The following EHBP1 variants were observed in gnomAD, a reference collection of about 807,000 sequenced individuals.
EHBP1 encodes EH domain-binding protein 1.
In EHBP1, 55 loss-of-function variants were observed where a neutral mutation model predicts 144.0. The observed-to-expected ratio is 0.38, with a 90% CI of 0.31 to 0.48. The LOEUF is 0.48. Ranked by LOEUF, EHBP1 falls within the 20% of genes least tolerant of loss-of-function variation. The pLI is 0.98. For synonymous variants in EHBP1, 469 were observed against 472.7 expected (o/e 0.99, Z 0.10); for missense variants, 1,200 against 1,364.2 (o/e 0.88, Z 1.90).
chr2:62,766,443 C>T lies in EHBP1; in HGVS notation c.258+2082C>T, dbSNP rs541925668. Among the ~76,000 whole-genome samples, 5 of 152,192 alleles carry T rather than the reference C, an allele frequency of 3.3e-5. No individual in the cohort carries two copies. In the East Asian group the frequency reaches 9.6e-4, roughly 29 times the overall value. ...TTTGAGAAACATGGGACCTGAGAGA[C>T]CCAGTAGGGAAATATCAGAGTCCAT... On this transcript the variant is annotated intron_variant, in intron 4 of 22. Coordinates refer to ENST00000431489, the MANE Select transcript of EHBP1 (RefSeq NM_001142616.3).
chr2:62,926,613 A>G (rs1034986375), intron 10 of EHBP1, among the ~76,000 whole-genome samples: 4 of 152,176 alleles, frequency 2.6e-5, no homozygotes, highest in African/African-American at 9.6e-5. Context: ...GGAAATGCAA[A>G]TCAAAATCAC....
At chr2:62,927,177 G>A (rs1030551637) in intron 10 of EHBP1, among the ~76,000 whole-genome samples, 1 of 152,150 alleles carries the variant, frequency 6.6e-6, no homozygotes, top group African/African-American at 2.4e-5. Flanking sequence ...TAGAACAGAG[G>A]ATACTAGAGG....
At chr2:62,755,410 TTTG>T (rs1573157480) in intron 3 of EHBP1, among the ~76,000 whole-genome samples, 1 of 151,442 alleles carries the variant, frequency 6.6e-6, no homozygotes, top group Admixed American at 6.6e-5. Context: ...TTGATGAACA[TTTG>T]TTTTTTTTTT....
intron 4 of EHBP1, among the ~76,000 whole-genome samples, chr2:62,770,405 GA>G (rs2041569507): frequency 6.6e-6 from 1 of 152,132 alleles, no homozygotes; most frequent in African/African-American, 2.4e-5. Context: ...ACAAGCATAT[GA>G]AAAAAAGTTC....
intron 10 of EHBP1, among the ~76,000 whole-genome samples, chr2:62,906,852 T>C (rs1161418519): frequency 1.3e-5 from 2 of 152,228 alleles, no homozygotes; most frequent in African/African-American, 2.4e-5. Flanking sequence ...CATATAGTAT[T>C]ATTTCAGGAA....
rs1309718570 is a variant in EHBP1 at position 62,895,427 on chromosome 2, G to A, written c.1185+20895G>A. Among the ~76,000 whole-genome samples the A allele has an allele frequency of 4.6e-5, 7 of 152,020 alleles. No individual in the cohort carries two copies. The South Asian group carries it at 1.0e-3, about 23-fold the overall frequency. On this transcript the variant is annotated intron_variant, in intron 10 of 22. Coordinates refer to ENST00000431489, the MANE Select transcript of EHBP1 (RefSeq NM_001142616.3). Reference sequence around the variant, plus strand: ...TTCCTATCTTCTTTGCCTTATTTCTGTTGCCTTCCCTGTCTTCAGCTTCTG... The same window carrying A: ...TTCCTATCTTCTTTGCCTTATTTCTATTGCCTTCCCTGTCTTCAGCTTCTG...
At chr2:62,841,704 T>A (rs939335605) in intron 7 of EHBP1, among the ~76,000 whole-genome samples, 4 of 152,228 alleles carry the variant, frequency 2.6e-5, no homozygotes, top group Admixed American at 1.3e-4. Flanking sequence ...TTAAATGTGA[T>A]ATCTTTCCCA....
chr2:63,044,993 C>A, intron 21 of EHBP1, 73 bp from the exon 22 acceptor site: 1 of 983,116 alleles, frequency 1.0e-6, no homozygotes, highest in Non-Finnish European at 1.5e-6. Flanking sequence ...CTGGAAAAGG[C>A]GGGAAGGGGA....
In EHBP1 at chr2:62,831,009, A is replaced by G. The variant is rs2046788727; in HGVS notation, c.495-10A>G. On this transcript the variant is annotated splice_polypyrimidine_tract_variant and intron_variant, in intron 6 of 22. Transcript: ENST00000431489. ...AGTACAATGTGTTATATTTTGAATC[A>G]TTGATGTAGAGATGAAGACATGCAA... 3 of 1,608,722 alleles carry G rather than the reference A, an allele frequency of 1.9e-6. No individual in the cohort carries two copies. Among genetic ancestry groups the G allele is most frequent in the Admixed American group, 1.7e-5 (1 of 58,662 alleles).
intron 9 of EHBP1, among the ~76,000 whole-genome samples, chr2:62,871,517 T>C (rs2050482772): frequency 6.6e-6 from 1 of 152,228 alleles, no homozygotes; most frequent in Non-Finnish European, 1.5e-5. Flanking sequence ...GAAAGAACTC[T>C]GTTTGTATTA....
At chr2:62,926,686 A>C (rs193078725) in intron 10 of EHBP1, among the ~76,000 whole-genome samples, 12 of 152,232 alleles carry the variant, frequency 7.9e-5, no homozygotes, top group Non-Finnish European at 1.3e-4. Context: ...ACAACAACAA[A>C]AAAACAAATG....
intron 10 of EHBP1, among the ~76,000 whole-genome samples, chr2:62,886,228 T>A (rs186959142): frequency 7.2e-4 from 109 of 152,302 alleles, no homozygotes; most frequent in African/African-American, 2.5e-3. Context: ...TGAAAAACAG[T>A]AAACACACAA....
At chr2:62,860,943 GAGTA>G (rs1214732782) in intron 8 of EHBP1, among the ~76,000 whole-genome samples, 9 of 151,802 alleles carry the variant, frequency 5.9e-5, no homozygotes, top group Non-Finnish European at 1.3e-4. Flanking sequence ...AGAGTCTTTA[GAGTA>G]AGTATTTTTT....
At position 62,894,871 on chromosome 2, in the gene EHBP1, T is replaced by C. The variant is rs550620199; in HGVS notation, c.1185+20339T>C. 8.7e-5 allele frequency among the ~76,000 whole-genome samples: 13 copies of C among 150,122 alleles called. No homozygotes were observed. In the South Asian group the frequency reaches 2.5e-3, roughly 29 times the overall value. ...AGTTAGAGGTTACAGTAAGCTATGA[T>C]TGCCCCACTGCACTGTAGTCTGGCT... On this transcript the variant is annotated intron_variant, in intron 10 of 22. Transcript: ENST00000431489.
chr2:62,911,618 C>T (rs1004515737), intron 10 of EHBP1, among the ~76,000 whole-genome samples: 5 of 152,080 alleles, frequency 3.3e-5, no homozygotes, highest in South Asian at 2.1e-4. Context: ...CCCATCACCA[C>T]GGCCAGCTAA....
chr2:62,710,889 C>T (rs956959774), intron 2 of EHBP1, among the ~76,000 whole-genome samples: 7 of 152,138 alleles, frequency 4.6e-5, no homozygotes, highest in Admixed American at 1.3e-4. Context: ...AGATCCACTT[C>T]TTTGGGTGGC....
intron 10 of EHBP1, among the ~76,000 whole-genome samples, chr2:62,908,663 G>A (rs771095199): frequency 2.6e-5 from 4 of 151,910 alleles, no homozygotes; most frequent in Admixed American, 1.3e-4. Context: ...TTTGTTTTGA[G>A]TCTTGGCTTA....
intron 19 of EHBP1, among the ~76,000 whole-genome samples, chr2:62,998,484 C>T (rs1045831060): frequency 1.3e-5 from 2 of 151,932 alleles, no homozygotes; most frequent in Non-Finnish European, 2.9e-5. Flanking sequence ...GGAACTTAAC[C>T]ACCTTCCCTG....
intron 1 of EHBP1, among the ~76,000 whole-genome samples, chr2:62,679,295 A>C (rs981338759): frequency 1.3e-5 from 2 of 152,208 alleles, no homozygotes; most frequent in Non-Finnish European, 2.9e-5. Context: ...TTTATAACTC[A>C]CATAAATACC....
Sources: allele counts gnomAD v4.1 joint callset (sites outside exome capture counted in the v4.1 genomes callset), GRCh38; gene constraint gnomAD v4.1.1; transcripts MANE v1.5; gene names NCBI Gene and HGNC (gene_info 2026-07-23, HGNC 2026-07-21).